Variants in TAF5 observed in about 807,000 individuals in gnomAD.
The protein encoded by TAF5 is transcription initiation factor TFIID subunit 5.
In TAF5, 20 loss-of-function variants were observed where a neutral mutation model predicts 80.9. That is an observed-to-expected ratio of 0.25 (90% confidence interval 0.17 to 0.36). The LOEUF is 0.36. Among genes scored for constraint, TAF5 ranks in the 10% least tolerant of loss-of-function variants. The probability of loss-of-function intolerance (pLI) is 1.00; values close to 1 mark genes in which losing one functional copy is unlikely to be tolerated. For missense variants in TAF5, 863 were observed against 1,029.4 expected (o/e 0.84, Z 2.21); for synonymous variants, 388 against 406.4 (o/e 0.95, Z 0.55).
At chr10:103,370,556 T>C (rs1336203535) in intron 1 of TAF5, among the ~76,000 whole-genome samples, 1 of 151,970 alleles carries the variant, frequency 6.6e-6, no homozygotes, top group Non-Finnish European at 1.5e-5. Flanking sequence ...CTCGATCTCC[T>C]GACCTTGTGA....
chr10:103,369,538 T>C (rs1327768026), intron 1 of TAF5, among the ~76,000 whole-genome samples: 1 of 152,016 alleles, frequency 6.6e-6, no homozygotes, highest in Non-Finnish European at 1.5e-5. Flanking sequence ...TTTAAAAATA[T>C]ATTTTTAGTA....
In TAF5 at chr10:103,374,350, GCTCCCTCGGTCTTGTTGCT is replaced by G. The variant is rs2093365877; in HGVS notation, c.797+759_797+777del. On this transcript the variant is annotated intron_variant, in intron 2 of 10. Coordinates refer to ENST00000369839, the MANE Select transcript of TAF5 (RefSeq NM_006951.5). The surrounding 1 kb of genome is among the most constrained non-coding windows in gnomAD (Gnocchi z 4.3). ...GGGTTCTTCATTACCAGGGCCCCAAGCTCCCTCGGTCTTGTTGCTCTCTCATGCTTTTCATGCAATTTCC... is the reference window on the plus strand; with the variant it reads ...GGGTTCTTCATTACCAGGGCCCCAAGCTCTCATGCTTTTCATGCAATTTCC... 6.6e-6 allele frequency among the ~76,000 whole-genome samples: 1 copy of G among 152,106 alleles called. No individual in the cohort carries two copies. The highest frequency in any genetic ancestry group is 1.5e-5 in the Non-Finnish European group (1 of 68,026).
intron 10 of TAF5, 151 bp downstream of exon 10, chr10:103,387,849 A>G: frequency 8.8e-7 from 1 of 1,133,146 alleles, no homozygotes; most frequent in Non-Finnish European, 1.3e-6. Flanking sequence ...CTCAGGTTAA[A>G]GTACTGCTTG....
At chr10:103,370,325 C>CT (rs758002426) in intron 1 of TAF5, among the ~76,000 whole-genome samples, 3,189 of 88,940 alleles carry the variant, frequency 0.036, 352 homozygotes, top group African/African-American at 0.047. Context: ...GGTTATGAGG[C>CT]TTTTTTTTTT....
chr10:103,383,006 G>C (rs953971251), intron 6 of TAF5, among the ~76,000 whole-genome samples: 13 of 152,078 alleles, frequency 8.5e-5, no homozygotes, highest in African/African-American at 3.1e-4. Context: ...TTTCAGTTCT[G>C]GTTCCCACAC....
chr10:103,377,935 T>C (rs557861217), intron 2 of TAF5, among the ~76,000 whole-genome samples: 1 of 152,284 alleles, frequency 6.6e-6, no homozygotes, highest in African/African-American at 2.4e-5. Context: ...ATGTCTCCAT[T>C]CTAAAGAAAC....
In TAF5 at chr10:103,378,531, G is replaced by A. The variant is rs993066304; in HGVS notation, c.1094G>A (p.Arg365Gln). ...MVGSLAGEAK[R>Q]EANKSKVFFG... ...GGAAGTTTGGCAGGAGAGGCTAAAC[G>A]AGAGGCAAACAAATCAAAGGTATGG... Residue 365 changes from arginine to glutamine, a missense_variant, in exon 3 of 11, where the codon CGA (arginine) becomes CAA (glutamine). Physicochemically the swap from Arg to Gln is conservative, Grantham distance 43 (BLOSUM62 1). This residue lies in a region of TAF5 where 128 missense variants were observed against 232.2 expected (regional missense o/e 0.55). Transcript: ENST00000369839. This position sits in a 1 kb window ranked among gnomAD's most constrained non-coding sequence, Gnocchi z 4.1. 9.3e-6 allele frequency: 15 copies of A among 1,613,074 alleles called. No individual in the cohort carries two copies. In the African/African-American group the frequency reaches 1.3e-4, roughly 14 times the overall value.
Position 103,387,996 on chromosome 10 carries a change from T to G in TAF5, c.2186-10T>G. 6.2e-7 allele frequency: 1 copy of G among 1,609,240 alleles called. No homozygotes were observed. Among genetic ancestry groups the G allele is most frequent in the Non-Finnish European group, 8.5e-7 (1 of 1,176,062 alleles). On this transcript the variant is annotated splice_polypyrimidine_tract_variant and intron_variant, in intron 10 of 10. Coordinates refer to ENST00000369839, the MANE Select transcript of TAF5 (RefSeq NM_006951.5). ...GATGCAACTAATGGTTTCCTTTGAC[T>G]TCCCCTTAGGTTCAATGGATAATAC...
At chr10:103,387,725 T>C (rs2133639749) in intron 10 of TAF5, 27 bp downstream of exon 10, 2 of 1,594,244 alleles carry the variant, frequency 1.3e-6, no homozygotes, top group East Asian at 2.2e-5. Flanking sequence ...GGCTTTACGA[T>C]AAATGCTATG....
At position 103,388,266 on chromosome 10, in the gene TAF5, A is replaced by G; in HGVS notation, c.*43A>G. ...CCTTTTGGAAGCTACTGTTTTTAAAAAGGGAGACTAAAAGCAAATACCTCA... is the reference window on the plus strand; with the variant it reads ...CCTTTTGGAAGCTACTGTTTTTAAAGAGGGAGACTAAAAGCAAATACCTCA... On this transcript the variant is annotated 3_prime_UTR_variant, in exon 11 of 11. Transcript: ENST00000369839. The G allele has an allele frequency of 6.6e-7, 1 of 1,522,822 alleles. No individual in the cohort carries two copies. Among genetic ancestry groups the G allele is most frequent in the Non-Finnish European group, 9.0e-7 (1 of 1,117,270 alleles). The allele number at this position is 1,522,822 out of a possible 1,614,324, so 94.3% of individuals were successfully genotyped here.
intron 2 of TAF5, among the ~76,000 whole-genome samples, chr10:103,376,217 A>G (rs948134937): frequency 1.3e-5 from 2 of 151,564 alleles, no homozygotes; most frequent in African/African-American, 2.4e-5. Context: ...TCAGCCTCCC[A>G]AGTAGCTGGG....
rs1316341550 is a variant in TAF5, at chr10:103,374,451, A to G, written c.797+856A>G. 6.6e-6 allele frequency among the ~76,000 whole-genome samples: 1 copy of G among 152,206 alleles called. No individual in the cohort carries two copies. The highest frequency in any genetic ancestry group is 1.5e-5 in the Non-Finnish European group (1 of 68,036). On this transcript the variant is annotated intron_variant, in intron 2 of 10. Coordinates refer to ENST00000369839, the MANE Select transcript of TAF5 (RefSeq NM_006951.5). The surrounding 1 kb of genome is among the most constrained non-coding windows in gnomAD (Gnocchi z 4.3). ...AAGCAGTCACATCAGTGTGCCAGTC[A>G]GCAGGTAGGGCACACGGAAACTGCA...
In TAF5 at chr10:103,385,487, C is replaced by T. The variant is rs1245738186; in HGVS notation, c.1826C>T (p.Ala609Val). The T allele has an allele frequency of 6.2e-7, 1 of 1,613,690 alleles. No individual in the cohort carries two copies. The highest frequency in any genetic ancestry group is 8.5e-7 in the Non-Finnish European group (1 of 1,179,918). The change falls in exon 8 of 11, where the codon GCT becomes GTT. Residue 609 changes from alanine to valine, a missense_variant. Around this residue, in one of 3 missense-constraint regions of TAF5, gnomAD observed 368 missense variants for 461.7 expected, o/e 0.80. Coordinates refer to ENST00000369839, the MANE Select transcript of TAF5 (RefSeq NM_006951.5). Reference protein sequence around the residue: ...YFVSGGHDRVARLWATDHYQP... With the variant: ...YFVSGGHDRVVRLWATDHYQP... Reference sequence around the variant, plus strand: ...GTGTCAGGGGGCCATGACCGAGTAGCTCGGTAAGAACACTGTGATCTTATG... The same window carrying T: ...GTGTCAGGGGGCCATGACCGAGTAGTTCGGTAAGAACACTGTGATCTTATG...
chr10:103,376,590 A>G (rs988078425), intron 2 of TAF5, among the ~76,000 whole-genome samples: 2 of 152,102 alleles, frequency 1.3e-5, no homozygotes, highest in Non-Finnish European at 2.9e-5. Context: ...GAAAAAAAAA[A>G]AAATAAGAAA....
At chr10:103,375,035 C>T (rs961981219) in intron 2 of TAF5, among the ~76,000 whole-genome samples, 4 of 146,236 alleles carry the variant, frequency 2.7e-5, no homozygotes, top group Non-Finnish European at 6.0e-5. Context: ...TGGAGAATCG[C>T]TTGAACCTGG....
chr10:103,383,960 T>TC (rs2093389394), intron 7 of TAF5, among the ~76,000 whole-genome samples: 1 of 152,094 alleles, frequency 6.6e-6, no homozygotes, highest in South Asian at 2.1e-4. Context: ...TTCCCTTTTT[T>TC]TTTTTTAATT....
intron 1 of TAF5, among the ~76,000 whole-genome samples, chr10:103,368,791 G>A (rs1057372599): frequency 6.6e-6 from 1 of 152,230 alleles, no homozygotes; most frequent in Non-Finnish European, 1.5e-5. Flanking sequence ...GAAGGTGAGC[G>A]CGGAGAGGCG....
In TAF5 at chr10:103,388,330, T is replaced by C; in HGVS notation, c.*107T>C. On this transcript the variant is annotated 3_prime_UTR_variant, in exon 11 of 11. Coordinates refer to ENST00000369839, the MANE Select transcript of TAF5 (RefSeq NM_006951.5). Reference sequence around the variant, plus strand: ...AAGCTACAGAGAATGTTTTTGTCTATATGGATCTGGAAGTATGCTGCTTGG... The same window carrying C: ...AAGCTACAGAGAATGTTTTTGTCTACATGGATCTGGAAGTATGCTGCTTGG... 3.0e-6 allele frequency: 3 copies of C among 1,005,744 alleles called. No individual in the cohort carries two copies. The highest frequency in any genetic ancestry group is 3.3e-5 in the South Asian group (2 of 61,370). 62.3% of individuals were successfully genotyped at this position (1,005,744 alleles called of 1,614,324 possible).
chr10:103,380,131 C>CT (rs878890345), intron 5 of TAF5, 112 bp downstream of exon 5: 141,967 of 960,136 alleles, frequency 0.15, 5 homozygotes, highest in Non-Finnish European at 0.16. Flanking sequence ...ATTTAAACTC[C>CT]TTTTTTTTTT....
Sources: gnomAD v4.1 joint callset for allele counts (sites outside exome capture counted in the v4.1 genomes callset) on GRCh38, gnomAD v4.1.1 for gene constraint, gnomAD v4.1.1 regional missense constraint, Gnocchi (gnomAD v3.1) non-coding constraint, MANE v1.5 for transcripts, NCBI Gene and HGNC (gene_info 2026-07-23, HGNC 2026-07-21) for gene names.